Variants in B3GALT1 observed in about 807,000 individuals in gnomAD.
B3GALT1 encodes UDP-Gal:betaGlcNAc beta 1,3-galactosyltransferase, polypeptide 1.
Under a neutral mutation model 23.2 loss-of-function variants are expected in B3GALT1, and 10 were observed. The observed-to-expected ratio is 0.43, with a 90% CI of 0.27 to 0.73. The LOEUF is 0.73. Among genes scored for constraint, B3GALT1 ranks in the 30% least tolerant of loss-of-function variants. The pLI, the probability that B3GALT1 is intolerant of heterozygous loss-of-function variation, is 0.21. For missense variants in B3GALT1, 299 were observed against 405.4 expected, an observed-to-expected ratio of 0.74 and a Z score of 2.25; for synonymous variants, 156 against 141.5, an observed-to-expected ratio of 1.10 and a Z score of -0.73.
At chr2:167,691,380 C>T (rs1288267843) in intron 3 of B3GALT1, among the ~76,000 whole-genome samples, 3 of 152,122 alleles carry the variant, frequency 2.0e-5, no homozygotes, top group Admixed American at 2.0e-4. Context: ...TCACAACTAA[C>T]ATTGAAAAGT....
chr2:167,776,325 ATGT>A (rs1688161769), intron 3 of B3GALT1, among the ~76,000 whole-genome samples: 1 of 152,170 alleles, frequency 6.6e-6, no homozygotes, highest in Non-Finnish European at 1.5e-5. Context: ...AGAAATGGAC[ATGT>A]TGTAGAGGAA....
chr2:167,576,467 A>C (rs186468446), intron 2 of B3GALT1, among the ~76,000 whole-genome samples: 1 of 151,024 alleles, frequency 6.6e-6, no homozygotes, highest in Non-Finnish European at 1.5e-5. Flanking sequence ...TTTAGTGAGG[A>C]CAGGTTTAGT....
intron 3 of B3GALT1, among the ~76,000 whole-genome samples, chr2:167,761,763 C>T (rs561460968): frequency 6.6e-6 from 1 of 152,320 alleles, no homozygotes; most frequent in South Asian, 2.1e-4. Flanking sequence ...AATTGATTAT[C>T]TTCCACTTCC....
At chr2:167,397,408 C>G (rs1303953919) in intron 1 of B3GALT1, among the ~76,000 whole-genome samples, 1 of 151,990 alleles carries the variant, frequency 6.6e-6, no homozygotes, top group Non-Finnish European at 1.5e-5. Flanking sequence ...AAATAATTCT[C>G]AAATCTTTGA....
intron 3 of B3GALT1, among the ~76,000 whole-genome samples, chr2:167,744,309 T>C (rs1687619049): frequency 6.6e-6 from 1 of 152,224 alleles, no homozygotes; most frequent in South Asian, 2.1e-4. Flanking sequence ...GGGTTGTATT[T>C]GGAATCTTTC....
intron 2 of B3GALT1, among the ~76,000 whole-genome samples, chr2:167,562,859 G>A (rs1684037675): frequency 6.6e-6 from 1 of 151,886 alleles, no homozygotes; most frequent in African/African-American, 2.4e-5. Context: ...CTCTTAAGGA[G>A]CATGCTGCCT....
At position 167,341,364 on chromosome 2, in the gene B3GALT1, A is replaced by G. The variant is rs1180003640; in HGVS notation, c.-511+48030A>G. On this transcript the variant is annotated intron_variant, in intron 1 of 4. Coordinates refer to ENST00000392690, the MANE Select transcript of B3GALT1 (RefSeq NM_020981.4). ...AGAGAGTCTGATAGCAGAAAAAGGT[A>G]AAAATAAAGATTACTGCCTGCGTGT... Among the ~76,000 whole-genome samples, 3 of 152,292 alleles carry G rather than the reference A, an allele frequency of 2.0e-5. No homozygotes were observed. In the East Asian group the frequency reaches 5.8e-4, roughly 29 times the overall value.
At chr2:167,555,778 T>C (rs533674955) in intron 2 of B3GALT1, among the ~76,000 whole-genome samples, 125 of 152,292 alleles carry the variant, frequency 8.2e-4, no homozygotes, top group Non-Finnish European at 1.5e-3. Context: ...ACTTACCATA[T>C]GGCGTGTTAA....
chr2:167,323,712 C>G (rs990871736), intron 1 of B3GALT1, among the ~76,000 whole-genome samples: 4 of 152,134 alleles, frequency 2.6e-5, no homozygotes, highest in African/African-American at 9.7e-5. Flanking sequence ...TTCTGTTTCC[C>G]ATTCATAAAA....
intron 2 of B3GALT1, among the ~76,000 whole-genome samples, chr2:167,591,339 G>A (rs891292393): frequency 6.6e-6 from 1 of 152,086 alleles, no homozygotes; most frequent in Non-Finnish European, 1.5e-5. Flanking sequence ...AACAGTAGGC[G>A]ACGAGGTTAC....
intron 2 of B3GALT1, among the ~76,000 whole-genome samples, chr2:167,499,684 C>T (rs1730725): frequency 0.45 from 68,732 of 151,836 alleles, 17,555 homozygotes; most frequent in East Asian, 0.87. Flanking sequence ...TTTCCCCCTT[C>T]CACCGTCCCC....
chr2:167,399,242 C>T (rs201385625), intron 1 of B3GALT1, among the ~76,000 whole-genome samples: 9 of 152,130 alleles, frequency 5.9e-5, no homozygotes, highest in South Asian at 2.1e-4. Context: ...TAGAAGCCTC[C>T]GACTAGAAAA....
chr2:167,715,086 T>C, intron 3 of B3GALT1: 1 of 1,613,072 alleles, frequency 6.2e-7, no homozygotes, highest in South Asian at 1.1e-5. Flanking sequence ...TCTAAGGCTT[T>C]TAAAGAAACA....
chr2:167,605,402 G>A (rs550887223), intron 2 of B3GALT1, among the ~76,000 whole-genome samples: 3 of 152,274 alleles, frequency 2.0e-5, no homozygotes, highest in East Asian at 3.9e-4. Context: ...TCTCTTGAGG[G>A]TTTGGCTGGC....
At chr2:167,618,914 T>G (rs563366305) in intron 2 of B3GALT1, among the ~76,000 whole-genome samples, 57 of 152,140 alleles carry the variant, frequency 3.7e-4, no homozygotes, top group African/African-American at 1.3e-3. Context: ...ATGTAAGATT[T>G]TTTGCTAGCT....
At chr2:167,733,629 A>G (rs1161380387) in intron 3 of B3GALT1, among the ~76,000 whole-genome samples, 1 of 152,212 alleles carries the variant, frequency 6.6e-6, no homozygotes, top group Non-Finnish European at 1.5e-5. Flanking sequence ...GCTCTATTTT[A>G]CAGAGCTAGC....
intron 3 of B3GALT1, among the ~76,000 whole-genome samples, chr2:167,768,718 A>G (rs1392063399): frequency 6.6e-6 from 1 of 152,244 alleles, no homozygotes; most frequent in Non-Finnish European, 1.5e-5. Flanking sequence ...TTTTCTTGGC[A>G]TCGTCACCAA....
chr2:167,870,168 C>A lies in B3GALT1; in HGVS notation c.*148C>A. ...TGCTATAAGTTCTTTTCTTGGATTA[C>A]CAATTTATGAATGTTAGACTCTGGT... On this transcript the variant is annotated 3_prime_UTR_variant, in exon 5 of 5. Transcript: ENST00000392690. The A allele has an allele frequency of 1.3e-6, 1 of 768,064 alleles. No individual in the cohort carries two copies. The highest frequency in any genetic ancestry group is 2.0e-6 in the Non-Finnish European group (1 of 491,438). 47.6% of individuals were successfully genotyped at this position (768,064 alleles called of 1,614,324 possible). A position where few individuals can be genotyped will look rare whatever the true frequency, so the allele number is the denominator to read the frequency against.
chr2:167,780,009 T>G (rs1398262195), intron 3 of B3GALT1, among the ~76,000 whole-genome samples: 1 of 152,216 alleles, frequency 6.6e-6, no homozygotes, highest in East Asian at 1.9e-4. Context: ...CTAAAGCCAT[T>G]TGTTAACTGC....
Sources: gnomAD v4.1 joint callset for allele counts (sites outside exome capture counted in the v4.1 genomes callset) on GRCh38, gnomAD v4.1.1 for gene constraint, MANE v1.5 for transcripts, NCBI Gene and HGNC (gene_info 2026-07-23, HGNC 2026-07-21) for gene names.